The following PHF2 variants were observed in gnomAD, a reference collection of about 807,000 sequenced individuals.
PHF2 encodes the protein lysine-specific demethylase PHF2.
A neutral mutation model predicts 120.5 loss-of-function variants in PHF2; 27 were observed. The ratio of observed to expected loss-of-function variants is 0.22; its 90% confidence interval spans 0.17 to 0.31. The LOEUF is 0.31. Among genes scored for constraint, PHF2 ranks in the 10% least tolerant of loss-of-function variants. The probability of loss-of-function intolerance (pLI) is 1.00; values close to 1 mark genes in which losing one functional copy is unlikely to be tolerated. For synonymous variants in PHF2, 568 were observed against 592.5 expected (o/e 0.96, Z 0.60); for missense variants, 1,024 against 1,434.8 (o/e 0.71, Z 4.63).
intron 1 of PHF2, among the ~76,000 whole-genome samples, chr9:93,581,654 A>G (rs1382263511): frequency 1.3e-5 from 2 of 152,158 alleles, no homozygotes; most frequent in Non-Finnish European, 2.9e-5. Context: ...GCTATTATTG[A>G]ATATACTTAA....
intron 1 of PHF2, among the ~76,000 whole-genome samples, chr9:93,621,088 G>A (rs1825817771): frequency 6.6e-6 from 1 of 152,240 alleles, no homozygotes. Flanking sequence ...TGGTGGCACA[G>A]GCAGCAGGGG....
rs1179558728 is a variant in PHF2 at position 93,659,539 on chromosome 9, C to T, written c.1268C>T (p.Pro423Leu). 6 of 1,614,084 alleles carry T rather than the reference C, an allele frequency of 3.7e-6. No homozygotes were observed. The highest frequency in any genetic ancestry group is 2.7e-5 in the African/African-American group (2 of 75,054). Residue 423 changes from proline (P) to leucine (L), a missense_variant, in exon 11 of 22, where the codon CCG becomes CTG. Around this residue, in one of 2 missense-constraint regions of PHF2, gnomAD observed 347 missense variants for 577.4 expected, o/e 0.60. Transcript: ENST00000359246. ...TTGGCAGAGCATGAGGACGAGCTCC[C>T]GGAGCACTTCAAACCTTCACAGCTA... is the stretch of plus-strand genomic sequence containing the variant. Reference protein sequence around the residue: ...QALAEHEDELPEHFKPSQLIK... With the variant: ...QALAEHEDELLEHFKPSQLIK...
chr9:93,670,473 G>T lies in PHF2; in HGVS notation c.2349-3112G>T, dbSNP rs545089722. ...CCCCTGACTCAGAGTTTCTGGGTGG[G>T]GCCTGGGCCTTGACATTTATAAAGC... On this transcript the variant is annotated intron_variant, in intron 17 of 21. Coordinates refer to ENST00000359246, the MANE Select transcript of PHF2 (RefSeq NM_005392.4). Among the ~76,000 whole-genome samples the T allele has an allele frequency of 2.6e-5, 4 of 152,352 alleles. No individual in the cohort carries two copies. In the East Asian group the frequency reaches 7.7e-4, roughly 29 times the overall value.
At chr9:93,601,978 A>G (rs116757664) in intron 1 of PHF2, among the ~76,000 whole-genome samples, 2,762 of 151,870 alleles carry the variant, frequency 0.018, 90 homozygotes, top group African/African-American at 0.062. Context: ...TGTCAATTCC[A>G]CACCATCACA....
Position 93,676,873 on chromosome 9 carries a change from G to A in PHF2, c.3112G>A (p.Gly1038Ser). ...AAGTFTGAQA[G>S]RTSQPMAPGV... is the part of the protein sequence containing the mutation. ...TGGCACCTTCACCGGGGCCCAGGCT[G>A]GCCGCACCTCCCAGCCCATGGCCCC... Residue 1038 changes from glycine (G) to serine (S), a missense_variant, in exon 21 of 22, where the codon GGC (glycine) becomes AGC (serine). By Grantham distance (56) the Gly-to-Ser change is moderately conservative. Coordinates refer to ENST00000359246, the MANE Select transcript of PHF2 (RefSeq NM_005392.4). 3.2e-6 allele frequency: 5 copies of A among 1,573,690 alleles called. No individual in the cohort carries two copies. Among genetic ancestry groups the A allele is most frequent in the Non-Finnish European group, 4.3e-6 (5 of 1,159,988 alleles).
intron 1 of PHF2, among the ~76,000 whole-genome samples, chr9:93,580,821 G>A (rs899527517): frequency 5.3e-5 from 8 of 152,210 alleles, no homozygotes; most frequent in Non-Finnish European, 1.2e-4. Flanking sequence ...TAGCCAGGCA[G>A]CTTCTCAGAT....
chr9:93,660,166 G>A (rs368287960), intron 11 of PHF2, 26 bp from the exon 12 acceptor site: 3 of 1,517,486 alleles, frequency 2.0e-6, no homozygotes, highest in African/African-American at 1.4e-5. Context: ...GAAGCAGCAT[G>A]TGACCCTCTC....
At chr9:93,583,475 G>A (rs1484858239) in intron 1 of PHF2, among the ~76,000 whole-genome samples, 1 of 152,140 alleles carries the variant, frequency 6.6e-6, no homozygotes, top group Non-Finnish European at 1.5e-5. Context: ...TTAACTTTTT[G>A]AGTAACTGGC....
chr9:93,639,714 G>T (rs1005714296), intron 3 of PHF2, among the ~76,000 whole-genome samples: 10 of 152,196 alleles, frequency 6.6e-5, no homozygotes, highest in African/African-American at 2.4e-4. Context: ...CTGGATGCAA[G>T]AAGGCAGCCC....
chr9:93,669,027 T>A (rs1826733101), intron 17 of PHF2, among the ~76,000 whole-genome samples: 1 of 152,202 alleles, frequency 6.6e-6, no homozygotes, highest in Non-Finnish European at 1.5e-5. Flanking sequence ...AGGAAAGGAT[T>A]TGAGTATGAT....
At chr9:93,604,488 A>C (rs532131739) in intron 1 of PHF2, among the ~76,000 whole-genome samples, 1 of 150,224 alleles carries the variant, frequency 6.7e-6, no homozygotes, top group Non-Finnish European at 1.5e-5. Context: ...TTTTTGAGAC[A>C]GAGTCTCGCT....
chr9:93,663,371 C>T (rs1196832601), intron 13 of PHF2, 146 bp from the exon 14 acceptor site: 29 of 677,858 alleles, frequency 4.3e-5, no homozygotes, highest in Admixed American at 4.8e-5. Flanking sequence ...CTGAGCACCC[C>T]GCAGTGGCCC....
At chr9:93,584,069 C>T (rs1862987195) in intron 1 of PHF2, among the ~76,000 whole-genome samples, 1 of 152,146 alleles carries the variant, frequency 6.6e-6, no homozygotes, top group South Asian at 2.1e-4. Context: ...CTCAGGTGAT[C>T]TTCCTGCCTT....
chr9:93,647,184 T>C (rs1446960882), intron 4 of PHF2, among the ~76,000 whole-genome samples: 1 of 152,220 alleles, frequency 6.6e-6, no homozygotes, highest in Non-Finnish European at 1.5e-5. Context: ...CCTGGCATGG[T>C]GCACACAGGA....
chr9:93,667,373 G>A, intron 17 of PHF2, 133 bp downstream of exon 17: 2 of 997,988 alleles, frequency 2.0e-6, no homozygotes, highest in Non-Finnish European at 2.9e-6. Context: ...CTGGGCCTGG[G>A]CAGAAGGGCA....
At chr9:93,649,651 C>T (rs927670611) in intron 5 of PHF2, among the ~76,000 whole-genome samples, 1 of 150,060 alleles carries the variant, frequency 6.7e-6, no homozygotes, top group African/African-American at 2.4e-5. Flanking sequence ...CTCATGGACA[C>T]ACCAACACTC....
chr9:93,587,444 G>A (rs1335503666), intron 1 of PHF2, among the ~76,000 whole-genome samples: 16 of 149,580 alleles, frequency 1.1e-4, no homozygotes, highest in African/African-American at 1.5e-4. Context: ...GAGGGATGAC[G>A]GAGGATCCCT....
chr9:93,658,714 T>A (rs1826505817), intron 10 of PHF2, among the ~76,000 whole-genome samples: 1 of 152,080 alleles, frequency 6.6e-6, no homozygotes, highest in South Asian at 2.1e-4. Context: ...TGTCGGCTCC[T>A]CCTGGCTGGC....
At position 93,658,178 on chromosome 9, in the gene PHF2, A is replaced by G. The variant is rs182210348; in HGVS notation, c.1181A>G (p.His394Arg). 2.0e-4 allele frequency: 320 copies of G among 1,613,322 alleles called. 2 individuals carry two copies. The East Asian group carries it at 3.7e-3, about 19-fold the overall frequency. The change falls in exon 10 of 22, where the codon CAT becomes CGT. Residue 394 changes from histidine to arginine, a missense_variant. Around this residue, in one of 2 missense-constraint regions of PHF2, gnomAD observed 347 missense variants for 577.4 expected, o/e 0.60. Coordinates refer to ENST00000359246, the MANE Select transcript of PHF2 (RefSeq NM_005392.4). ...SHKSGKQLPP[H>R]LVQGAKILNG... is the part of the protein sequence containing the mutation. Reference sequence around the variant, plus strand: ...AAATCTGGGAAGCAGCTGCCCCCTCATCTAGTCCAAGGAGCTAAAATTCTC... The same window carrying G: ...AAATCTGGGAAGCAGCTGCCCCCTCGTCTAGTCCAAGGAGCTAAAATTCTC...
Sources: gnomAD v4.1 joint callset for allele counts (sites outside exome capture counted in the v4.1 genomes callset) on GRCh38, gnomAD v4.1.1 for gene constraint, gnomAD v4.1.1 regional missense constraint, MANE v1.5 for transcripts, NCBI Gene and HGNC (gene_info 2026-07-23, HGNC 2026-07-21) for gene names.